Variants in ANKS1B observed in about 807,000 individuals in gnomAD.
The protein encoded by ANKS1B is ankyrin repeat and sterile alpha motif domain containing 1B.
Under a neutral mutation model 148.3 loss-of-function variants are expected in ANKS1B, and 36 were observed. The ratio of observed to expected loss-of-function variants is 0.24; its 90% confidence interval spans 0.19 to 0.32. The LOEUF is 0.32. Ranked by LOEUF, ANKS1B falls within the 10% of genes least tolerant of loss-of-function variation. The pLI is 1.00. For synonymous variants in ANKS1B, 542 were observed against 560.8 expected (o/e 0.97, Z 0.47); for missense variants, 1,157 against 1,542.6 (o/e 0.75, Z 4.19).
chr12:98,882,053 G>T (rs1188823543), intron 17 of ANKS1B, among the ~76,000 whole-genome samples: 1 of 152,044 alleles, frequency 6.6e-6, no homozygotes, highest in Non-Finnish European at 1.5e-5. Flanking sequence ...TAAAGCTGCA[G>T]ATCTTTTCTT....
At chr12:99,497,053 G>A (rs2096611220) in intron 10 of ANKS1B, among the ~76,000 whole-genome samples, 1 of 152,098 alleles carries the variant, frequency 6.6e-6, no homozygotes. Context: ...AGTGTCCAAG[G>A]GGAATTGGTT....
intron 2 of ANKS1B, among the ~76,000 whole-genome samples, chr12:99,812,982 A>C (rs780468812): frequency 2.1e-4 from 32 of 151,792 alleles, no homozygotes; most frequent in Non-Finnish European, 3.7e-4. Flanking sequence ...AAAAAATTTT[A>C]ATAACTTCTC....
intron 12 of ANKS1B, among the ~76,000 whole-genome samples, chr12:99,344,736 T>A (rs1400046718): frequency 2.5e-4 from 38 of 152,046 alleles, no homozygotes. Context: ...TTGCATATGA[T>A]CAGTCACATT....
At chr12:99,150,879 G>A (rs545125609) in intron 15 of ANKS1B, among the ~76,000 whole-genome samples, 1 of 152,030 alleles carries the variant, frequency 6.6e-6, no homozygotes, top group African/African-American at 2.4e-5. Flanking sequence ...TGACTTCTGA[G>A]GGGATAAACA....
chr12:98,950,105 G>A (rs6538888), intron 17 of ANKS1B, among the ~76,000 whole-genome samples: 55,520 of 152,142 alleles, frequency 0.36, 13,758 homozygotes, highest in African/African-American at 0.7. Context: ...AAAGAAGTCA[G>A]TGAAGATGCA....
intron 19 of ANKS1B, among the ~76,000 whole-genome samples, chr12:98,825,660 T>G (rs997481315): frequency 6.6e-6 from 1 of 152,210 alleles, no homozygotes; most frequent in Non-Finnish European, 1.5e-5. Context: ...TTGGAAACTT[T>G]TTTTTTTCTT....
chr12:99,734,149 C>T (rs1239219514), intron 8 of ANKS1B, among the ~76,000 whole-genome samples: 2 of 152,154 alleles, frequency 1.3e-5, no homozygotes, highest in Non-Finnish European at 2.9e-5. Flanking sequence ...TTCCTCTCTG[C>T]CTTATACCTA....
intron 17 of ANKS1B, among the ~76,000 whole-genome samples, chr12:98,870,022 T>C (rs1595894530): frequency 6.6e-6 from 1 of 152,194 alleles, no homozygotes; most frequent in East Asian, 1.9e-4. Flanking sequence ...TAAGAGGGAA[T>C]GTGCTGGAGC....
intron 1 of ANKS1B, among the ~76,000 whole-genome samples, chr12:99,843,869 C>A (rs1019565358): frequency 1.3e-5 from 2 of 152,120 alleles, no homozygotes; most frequent in Non-Finnish European, 2.9e-5. Context: ...TACACCCCCA[C>A]CAGCAGTGTA....
At chr12:98,916,499 A>G (rs1048941958) in intron 17 of ANKS1B, among the ~76,000 whole-genome samples, 2 of 152,250 alleles carry the variant, frequency 1.3e-5, no homozygotes, top group Non-Finnish European at 2.9e-5. Flanking sequence ...AATGCACTGG[A>G]CGAGATCATA....
intron 1 of ANKS1B, among the ~76,000 whole-genome samples, chr12:99,930,996 T>C (rs1352500214): frequency 6.6e-6 from 1 of 152,180 alleles, no homozygotes; most frequent in Non-Finnish European, 1.5e-5. Flanking sequence ...ACATACACCA[T>C]GGAATACTAT....
chr12:99,103,669 G>C (rs1310214035), intron 15 of ANKS1B, among the ~76,000 whole-genome samples: 1 of 151,810 alleles, frequency 6.6e-6, no homozygotes, highest in African/African-American at 2.4e-5. Flanking sequence ...TCAACTTTTT[G>C]ACTCATTTTT....
intron 17 of ANKS1B, among the ~76,000 whole-genome samples, chr12:98,900,921 C>T (rs973155253): frequency 1.3e-5 from 2 of 152,196 alleles, no homozygotes; most frequent in African/African-American, 2.4e-5. Context: ...TCAACTAACA[C>T]GTGACTTTCT....
intron 14 of ANKS1B, among the ~76,000 whole-genome samples, chr12:99,179,759 TTGA>T (rs1566565563): frequency 6.6e-6 from 1 of 152,216 alleles, no homozygotes; most frequent in Non-Finnish European, 1.5e-5. Context: ...AATAGGGTTG[TTGA>T]CAGATTAAAT....
intron 9 of ANKS1B, among the ~76,000 whole-genome samples, chr12:99,546,298 A>G (rs912150080): frequency 2.6e-5 from 4 of 152,232 alleles, no homozygotes; most frequent in Non-Finnish European, 5.9e-5. Context: ...TATATAAGGA[A>G]GGGCTAACTT....
At chr12:99,521,713 T>C (rs1312407012) in intron 9 of ANKS1B, among the ~76,000 whole-genome samples, 1 of 151,710 alleles carries the variant, frequency 6.6e-6, no homozygotes, top group African/African-American at 2.4e-5. Context: ...ATAGAGTCAG[T>C]GTCTCTCTCT....
chr12:99,915,368 G>T (rs367929886), intron 1 of ANKS1B, among the ~76,000 whole-genome samples: 1 of 152,148 alleles, frequency 6.6e-6, no homozygotes, highest in African/African-American at 2.4e-5. Context: ...CACACATAAG[G>T]ACGTGGATGT....
chr12:99,904,577 A>G (rs1565967461), intron 1 of ANKS1B, among the ~76,000 whole-genome samples: 1 of 152,164 alleles, frequency 6.6e-6, no homozygotes, highest in Non-Finnish European at 1.5e-5. Context: ...ACTATCACCT[A>G]TTTCCCTACT....
At chr12:99,553,180 C>G (rs1390922881) in intron 9 of ANKS1B, among the ~76,000 whole-genome samples, 1 of 152,162 alleles carries the variant, frequency 6.6e-6, no homozygotes, top group Non-Finnish European at 1.5e-5. Flanking sequence ...TAAATTTTTA[C>G]TAGCTAAACG....
Sources: gnomAD v4.1 joint callset for allele counts (sites outside exome capture counted in the v4.1 genomes callset) on GRCh38, gnomAD v4.1.1 for gene constraint, MANE v1.5 for transcripts, NCBI Gene and HGNC (gene_info 2026-07-23, HGNC 2026-07-21) for gene names.